CTU1: variants seen among roughly 807,000 people sequenced by gnomAD.
CTU1 encodes cytoplasmic tRNA 2-thiolation protein 1.
A neutral mutation model predicts 12.9 loss-of-function variants in CTU1; 15 were observed. The observed-to-expected ratio is 1.16, with a 90% CI of 0.78 to 1.79. The LOEUF (loss-of-function observed/expected upper bound fraction) is 1.79, where lower values mean the gene tolerates loss of function less well. Ranked by LOEUF, CTU1 falls within the 40% of genes most tolerant of loss-of-function variation. The pLI is 0.00. For synonymous variants in CTU1, 295 were observed against 275.6 expected, an observed-to-expected ratio of 1.07 and a Z score of -0.70; for missense variants, 553 against 550.5, an observed-to-expected ratio of 1.00 and a Z score of -0.05.
chr19:51,102,165 A>G (rs2091908725), intron 2 of CTU1, among the ~76,000 whole-genome samples: 1 of 151,992 alleles, frequency 6.6e-6, no homozygotes, highest in Non-Finnish European at 1.5e-5. Flanking sequence ...CACCACACTC[A>G]GCTAATTTTT....
intron 2 of CTU1, among the ~76,000 whole-genome samples, chr19:51,103,457 C>T (rs1034442709): frequency 2.0e-5 from 3 of 152,004 alleles, no homozygotes; most frequent in African/African-American, 7.2e-5. Flanking sequence ...TGGTGGCAGG[C>T]ACCTGTAGCC....
chr19:51,101,050 TC>T (rs1237222322), intron 2 of CTU1, among the ~76,000 whole-genome samples: 1 of 151,888 alleles, frequency 6.6e-6, no homozygotes, highest in African/African-American at 2.4e-5. Context: ...GCTTAAGTGA[TC>T]CCCCTGCCTC....
intron 1 of CTU1, among the ~76,000 whole-genome samples, chr19:51,106,508 AT>A (rs931651584): frequency 3.4e-4 from 52 of 151,684 alleles, no homozygotes; most frequent in African/African-American, 1.2e-3. Context: ...TTTTAATTTA[AT>A]TTAATTTAAT....
intron 2 of CTU1, among the ~76,000 whole-genome samples, 174 bp from the exon 3 acceptor site, chr19:51,099,313 A>G (rs887434303): frequency 5.9e-5 from 9 of 152,098 alleles, no homozygotes; most frequent in African/African-American, 2.2e-4. Context: ...GGCGACGGGG[A>G]GAGCAAGCCA....
intron 2 of CTU1, among the ~76,000 whole-genome samples, chr19:51,099,599 T>C (rs954710405): frequency 1.3e-5 from 2 of 152,050 alleles, no homozygotes; most frequent in African/African-American, 2.4e-5. Flanking sequence ...GCGGACCTTA[T>C]GCTAGTTGCC....
chr19:51,104,611 G>A, intron 1 of CTU1, 21 bp from the exon 2 acceptor site: 1 of 1,231,382 alleles, frequency 8.1e-7, no homozygotes, highest in Admixed American at 4.3e-5. Context: ...AGAGAGAGGA[G>A]GTGGGTTACA....
At chr19:51,099,989 T>C (rs1197875979) in intron 2 of CTU1, among the ~76,000 whole-genome samples, 5 of 151,486 alleles carry the variant, frequency 3.3e-5, no homozygotes, top group African/African-American at 1.2e-4. Context: ...ATGGAGACCT[T>C]TGAACATAGT....
rs776756948 is a variant in CTU1 at position 51,108,114 on chromosome 19, T to C, written c.-22+233A>G. The stretch of plus-strand genomic sequence containing the variant: ...GGGCGGGGACAGGCAGATAGTAACA[T>C]AGGGGCGGGGGCAAGCAGATGGTCT... On this transcript the variant is annotated intron_variant, in intron 1 of 2. Coordinates refer to ENST00000421832, the MANE Select transcript of CTU1 (RefSeq NM_145232.4). The surrounding 1 kb of genome is among the most constrained non-coding windows in gnomAD (Gnocchi z 4.5). Among the ~76,000 whole-genome samples, 5 of 150,996 alleles carry C rather than the reference T, an allele frequency of 3.3e-5. No homozygotes were observed. The highest frequency in any genetic ancestry group is 4.9e-5 in the African/African-American group (2 of 41,076).
chr19:51,101,592 G>C (rs897379596), intron 2 of CTU1, among the ~76,000 whole-genome samples: 10 of 152,166 alleles, frequency 6.6e-5, no homozygotes, highest in Non-Finnish European at 1.3e-4. Flanking sequence ...CTGAAGTTGA[G>C]AGGCCCTGGT....
chr19:51,105,314 T>C (rs2122799333), intron 1 of CTU1, among the ~76,000 whole-genome samples: 1 of 152,278 alleles, frequency 6.6e-6, no homozygotes, highest in African/African-American at 2.4e-5. Flanking sequence ...AACTCAACCC[T>C]GCTCTGGTAT....
Position 51,104,520 on chromosome 19 carries a change from C to G in CTU1, c.50G>C (p.Arg17Pro), listed in dbSNP as rs915575123. Residue 17 changes from arginine to proline, a missense_variant, in exon 2 of 3, where the codon CGC becomes CCC. By Grantham distance (103) the Arg-to-Pro change is moderately radical (BLOSUM62 -2). This residue lies in a region of CTU1 where 500 missense variants were observed against 458.5 expected (regional missense o/e 1.09). Transcript: ENST00000421832. ...CAGCGCTTGGCCCGAGAGCGGACGG[C>G]GGAGGGCGGCGCGTGCAGCATGGCA... ...ASCHAARAAL[R>P]RPLSGQALCG... The G allele has an allele frequency of 2.1e-5, 27 of 1,271,770 alleles. No individual in the cohort carries two copies. The highest frequency in any genetic ancestry group is 5.1e-4 in the Middle Eastern group (2 of 3,912). The allele number at this position is 1,271,770 out of a possible 1,614,324, so 78.8% of individuals were successfully genotyped here. A position where few individuals can be genotyped will look rare whatever the true frequency, so the allele number is the denominator to read the frequency against.
At chr19:51,104,672 G>A (rs187679700) in intron 1 of CTU1, 82 bp from the exon 2 acceptor site, 2 of 1,082,966 alleles carry the variant, frequency 1.8e-6, no homozygotes, top group African/African-American at 3.3e-5. Flanking sequence ...TGTCTGGATT[G>A]CACCTCTGCC....
Position 51,104,113 on chromosome 19 carries a change from G to A in CTU1, c.457C>T (p.Arg153Trp). ...CGGCGCGCCCCTTCCTCCAGCGCCC[G>A]GCGCCGCAGCACTCCACAGAAGGTG... ...CCTFCGVLRR[R>W]ALEEGARRVG... The change falls in exon 2 of 3, where the codon CGG (arginine) becomes TGG (tryptophan). Residue 153 changes from arginine (R) to tryptophan (W), a missense_variant. This residue lies in a region of CTU1 where 500 missense variants were observed against 458.5 expected (regional missense o/e 1.09). Coordinates refer to ENST00000421832, the MANE Select transcript of CTU1 (RefSeq NM_145232.4). 7 of 1,481,282 alleles carry A rather than the reference G, an allele frequency of 4.7e-6. No individual in the cohort carries two copies. The highest frequency in any genetic ancestry group is 1.8e-4 in the Middle Eastern group (1 of 5,576). The allele number at this position is 1,481,282 out of a possible 1,614,324, so 91.8% of individuals were successfully genotyped here. A position where few individuals can be genotyped will look rare whatever the true frequency, so the allele number is the denominator to read the frequency against.
Position 51,098,767 on chromosome 19 carries a change from G to C in CTU1, c.881C>G (p.Ala294Gly), listed in dbSNP as rs2091898352. Reference sequence around the variant, plus strand: ...GCAGGCCTGGCAGAGCGCGCGGCTGGCCAGCGCCCCACAGCGGGAGCAGGC... The same window carrying C: ...GCAGGCCTGGCAGAGCGCGCGGCTGCCCAGCGCCCCACAGCGGGAGCAGGC... Reference protein sequence around the residue: ...PGACSRCGALASRALCQACAL... With the variant: ...PGACSRCGALGSRALCQACAL... The change falls in exon 3 of 3, where the codon GCC becomes GGC. Residue 294 changes from alanine (A) to glycine (G), a missense_variant. Coordinates refer to ENST00000421832, the MANE Select transcript of CTU1 (RefSeq NM_145232.4). The surrounding 1 kb of genome is among the most constrained non-coding windows in gnomAD (Gnocchi z 4.3). 9.1e-7 allele frequency: 1 copy of C among 1,104,564 alleles called. No homozygotes were observed. The highest frequency in any genetic ancestry group is 1.1e-6 in the Non-Finnish European group (1 of 906,576). The allele number at this position is 1,104,564 out of a possible 1,614,324, so 68.4% of individuals were successfully genotyped here.
In CTU1 at chr19:51,098,385, C is replaced by G. The variant is rs1243264482; in HGVS notation, c.*216G>C. 5.3e-6 allele frequency: 2 copies of G among 375,474 alleles called. No individual in the cohort carries two copies. The highest frequency in any genetic ancestry group is 1.2e-4 in the South Asian group (1 of 8,246). The allele number at this position is 375,474 out of a possible 1,614,324, so 23.3% of individuals were successfully genotyped here. A position where few individuals can be genotyped will look rare whatever the true frequency, so the allele number is the denominator to read the frequency against. On this transcript the variant is annotated 3_prime_UTR_variant, in exon 3 of 3. Transcript: ENST00000421832. The surrounding 1 kb of genome is among the most constrained non-coding windows in gnomAD (Gnocchi z 4.3). ...AGACCTAGGATGGTCCCCCAGCCCCCTCCTCCCTCAGAGCCTGAAGCCCAG... is the reference window on the plus strand; with the variant it reads ...AGACCTAGGATGGTCCCCCAGCCCCGTCCTCCCTCAGAGCCTGAAGCCCAG...
chr19:51,107,838 C>T (rs879032588), intron 1 of CTU1, among the ~76,000 whole-genome samples: 1 of 152,104 alleles, frequency 6.6e-6, no homozygotes, highest in Non-Finnish European at 1.5e-5. Context: ...CTGAGTCGAG[C>T]GCCTCCACCA....
chr19:51,101,117 G>A (rs1039115449), intron 2 of CTU1, among the ~76,000 whole-genome samples: 1 of 151,944 alleles, frequency 6.6e-6, no homozygotes, highest in Non-Finnish European at 1.5e-5. Flanking sequence ...GCTAATTTTT[G>A]TATTTCTATA....
In CTU1 at chr19:51,098,661, C is replaced by A. The variant is rs1472236552; in HGVS notation, c.987G>T (p.Thr329=). 2 of 1,308,380 alleles carry A rather than the reference C, an allele frequency of 1.5e-6. No homozygotes were observed. Among genetic ancestry groups the A allele is most frequent in the Non-Finnish European group, 1.9e-6 (2 of 1,027,974 alleles). The allele number at this position is 1,308,380 out of a possible 1,614,324, so 81.0% of individuals were successfully genotyped here. Residue 329 remains threonine (T), a synonymous_variant, in exon 3 of 3, where the codon ACG becomes ACT. Coordinates refer to ENST00000421832, the MANE Select transcript of CTU1 (RefSeq NM_145232.4). The surrounding 1 kb of genome is among the most constrained non-coding windows in gnomAD (Gnocchi z 4.3). The part of the protein sequence containing the change: ...KGRRGLDEEA[T]PGTPGDPARP... ...GGGCCGGATCCCCGGGCGTCCCCGG[C>A]GTCGCCTCCTCGTCCAGACCCCGGC...
Position 51,098,735 on chromosome 19 carries a change from G to A in CTU1, c.913C>T (p.Leu305=). ...SRALCQACAL[L]DGLNRGRPRL... is the part of the protein sequence containing the mutation. The stretch of plus-strand genomic sequence containing the variant: ...GGCCGGCCGCGGTTCAGGCCGTCCA[G>A]GAGCGCGCAGGCCTGGCAGAGCGCG... The change falls in exon 3 of 3, where the codon CTG becomes TTG. Residue 305 remains leucine (L), a synonymous_variant. Transcript: ENST00000421832. The surrounding 1 kb of genome is among the most constrained non-coding windows in gnomAD (Gnocchi z 4.3). The A allele has an allele frequency of 8.2e-7, 1 of 1,219,644 alleles. No individual in the cohort carries two copies. The highest frequency in any genetic ancestry group is 1.0e-6 in the Non-Finnish European group (1 of 973,088). 75.6% of individuals were successfully genotyped at this position (1,219,644 alleles called of 1,614,324 possible). A position where few individuals can be genotyped will look rare whatever the true frequency, so the allele number is the denominator to read the frequency against.
Sources: gnomAD v4.1 joint callset for allele counts (sites outside exome capture counted in the v4.1 genomes callset) on GRCh38, gnomAD v4.1.1 for gene constraint, gnomAD v4.1.1 regional missense constraint, Gnocchi (gnomAD v3.1) non-coding constraint, MANE v1.5 for transcripts, NCBI Gene and HGNC (gene_info 2026-07-23, HGNC 2026-07-21) for gene names.